ACBD6: variants seen among roughly 807,000 people sequenced by gnomAD.
ACBD6 encodes acyl-CoA binding domain containing 6.
Under a neutral mutation model 37.2 loss-of-function variants are expected in ACBD6, and 28 were observed. The observed-to-expected ratio is 0.75, with a 90% CI of 0.56 to 1.03. The LOEUF (loss-of-function observed/expected upper bound fraction) is 1.03. Among genes scored for constraint, ACBD6 ranks in the 50% least tolerant of loss-of-function variants. The pLI is 0.00. For synonymous variants in ACBD6, 113 were observed against 126.8 expected (o/e 0.89, Z 0.73); for missense variants, 340 against 337.4 (o/e 1.01, Z -0.06).
chr1:180,435,260 T>C (rs1425625412), intron 3 of ACBD6: 2 of 621,000 alleles, frequency 3.2e-6, no homozygotes, highest in Non-Finnish European at 6.1e-6. Flanking sequence ...AGATGCATTT[T>C]TTTTTTGAGA....
chr1:180,307,406 C>T (rs1650425339), intron 7 of ACBD6, among the ~76,000 whole-genome samples: 1 of 149,942 alleles, frequency 6.7e-6, no homozygotes, highest in Admixed American at 6.6e-5. Context: ...TTAATGGGTA[C>T]AAAAAAATTG....
At chr1:180,453,754 T>A (rs917053200) in intron 3 of ACBD6, among the ~76,000 whole-genome samples, 1 of 151,980 alleles carries the variant, frequency 6.6e-6, no homozygotes, top group South Asian at 2.1e-4. Flanking sequence ...AAACCAATAA[T>A]AGACAAACAG....
chr1:180,452,770 A>C (rs890426783), intron 3 of ACBD6, among the ~76,000 whole-genome samples: 2 of 152,224 alleles, frequency 1.3e-5, no homozygotes, highest in African/African-American at 4.8e-5. Context: ...CTACTATCAG[A>C]GAATACTATA....
chr1:180,336,940 C>T (rs1318458073), intron 6 of ACBD6, among the ~76,000 whole-genome samples: 2 of 152,168 alleles, frequency 1.3e-5, no homozygotes, highest in Non-Finnish European at 2.9e-5. Flanking sequence ...CATACACCCT[C>T]CCAAGACTAA....
chr1:180,316,892 ACAAT>A (rs1400780927), intron 6 of ACBD6, among the ~76,000 whole-genome samples: 2 of 152,196 alleles, frequency 1.3e-5, no homozygotes, highest in African/African-American at 2.4e-5. Context: ...ACGCTGGAAA[ACAAT>A]CAAAACAGAG....
In ACBD6 at chr1:180,502,572, G is replaced by T. The variant is rs1001270735; in HGVS notation, c.-306C>A. ...CCCTCCAACGGAACAGGAGTCGAGGGGCAGTGAGGCCGGGATGCGTGCGAG... is the reference window on the plus strand; with the variant it reads ...CCCTCCAACGGAACAGGAGTCGAGGTGCAGTGAGGCCGGGATGCGTGCGAG... On this transcript the variant is annotated 5_prime_UTR_variant, in exon 1 of 8. Transcript: ENST00000367595. 5 of 420,322 alleles carry T rather than the reference G, an allele frequency of 1.2e-5. No homozygotes were observed. The highest frequency in any genetic ancestry group is 6.1e-5 in the African/African-American group (3 of 49,212). 26.0% of individuals were successfully genotyped at this position (420,322 alleles called of 1,614,324 possible).
chr1:180,298,658 A>G (rs764076112), intron 7 of ACBD6, among the ~76,000 whole-genome samples: 2 of 152,230 alleles, frequency 1.3e-5, no homozygotes, highest in Admixed American at 6.5e-5. Context: ...CTAACTTGAC[A>G]GATGTGAATG....
rs1298086162 is a variant in ACBD6, at chr1:180,400,224, C to T, written c.574-2619G>A. 2.0e-5 allele frequency among the ~76,000 whole-genome samples: 3 copies of T among 152,136 alleles called. No homozygotes were observed. In the East Asian group the frequency reaches 5.8e-4, roughly 29 times the overall value. On this transcript the variant is annotated intron_variant, in intron 5 of 7. Coordinates refer to ENST00000367595, the MANE Select transcript of ACBD6 (RefSeq NM_032360.4). ...CAAAAATTTACTTTAGGGGAAACAC[C>T]TATGACTGGACCTCCATAGTGATTT...
chr1:180,356,918 C>A (rs1652653483), intron 6 of ACBD6, among the ~76,000 whole-genome samples: 2 of 151,424 alleles, frequency 1.3e-5, no homozygotes, highest in Admixed American at 6.6e-5. Context: ...AATCTAATTC[C>A]TTATGGTTAC....
intron 7 of ACBD6, among the ~76,000 whole-genome samples, chr1:180,313,376 T>G (rs1650668721): frequency 6.6e-6 from 1 of 152,176 alleles, no homozygotes; most frequent in Non-Finnish European, 1.5e-5. Flanking sequence ...GTCCAATAGG[T>G]TAAGACTCCT....
chr1:180,325,670 T>C (rs1651232030), intron 6 of ACBD6, among the ~76,000 whole-genome samples: 1 of 152,214 alleles, frequency 6.6e-6, no homozygotes, highest in South Asian at 2.1e-4. Flanking sequence ...TTTATTGTAG[T>C]CTTCGCAATT....
chr1:180,318,642 T>C (rs1650929494), intron 6 of ACBD6, among the ~76,000 whole-genome samples: 1 of 152,142 alleles, frequency 6.6e-6, no homozygotes, highest in Non-Finnish European at 1.5e-5. Flanking sequence ...GAAGTGCAAA[T>C]TTAAAAAGAG....
Position 180,351,581 on chromosome 1 carries a change from CGTT to C in ACBD6, c.664-36862_664-36860del, listed in dbSNP as rs1412923489. 1.1e-3 allele frequency among the ~76,000 whole-genome samples: 102 copies of C among 92,644 alleles called. 1 individual carries two copies. Among genetic ancestry groups the C allele is most frequent in the African/African-American group, 4.1e-3 (98 of 23,616 alleles). 60.8% of individuals were successfully genotyped at this position (92,644 alleles called of 152,430 possible). Reference sequence around the variant, plus strand: ...AGTCACTGTGCCTGGCCCGATATTACGTTTTTTTTTTTTTTTTTTTTGATAGGG... The same window carrying C: ...AGTCACTGTGCCTGGCCCGATATTACTTTTTTTTTTTTTTTTTTGATAGGG... On this transcript the variant is annotated intron_variant, in intron 6 of 7. Coordinates refer to ENST00000367595, the MANE Select transcript of ACBD6 (RefSeq NM_032360.4).
chr1:180,315,459 T>G (rs1195495495), intron 6 of ACBD6, among the ~76,000 whole-genome samples: 1 of 152,180 alleles, frequency 6.6e-6, no homozygotes, highest in Non-Finnish European at 1.5e-5. Flanking sequence ...AAAGCACAAT[T>G]TAGTAATTAA....
In ACBD6 at chr1:180,476,561, C is replaced by T. The variant is rs185650302; in HGVS notation, c.384+15708G>A. Among the ~76,000 whole-genome samples, 3 of 152,326 alleles carry T rather than the reference C, an allele frequency of 2.0e-5. No individual in the cohort carries two copies. The East Asian group carries it at 5.8e-4, about 29-fold the overall frequency. On this transcript the variant is annotated intron_variant, in intron 3 of 7. Transcript: ENST00000367595. ...GAAAACTCAGCCGGGCACAGTGGCT[C>T]ACGCCTATAATCCCAGCACTTTGGA...
At chr1:180,406,055 T>C (rs949934867) in intron 5 of ACBD6, among the ~76,000 whole-genome samples, 4 of 152,154 alleles carry the variant, frequency 2.6e-5, no homozygotes, top group Non-Finnish European at 5.9e-5. Flanking sequence ...TGTTACAAAC[T>C]TGGACCCTAA....
chr1:180,412,725 G>A (rs1483225553), intron 5 of ACBD6, among the ~76,000 whole-genome samples: 1 of 152,050 alleles, frequency 6.6e-6, no homozygotes, highest in Non-Finnish European at 1.5e-5. Context: ...AATTAGCCAG[G>A]AGTGACAGCA....
chr1:180,339,487 T>C (rs1002078667), intron 6 of ACBD6, among the ~76,000 whole-genome samples: 38 of 151,708 alleles, frequency 2.5e-4, no homozygotes, highest in African/African-American at 9.0e-4. Flanking sequence ...ACAATGAGAA[T>C]ATTTGGACAC....
At chr1:180,274,708 C>A in exon 10 of ACBD6, 1 of 1,125,038 alleles carries the variant, frequency 8.9e-7, no homozygotes, top group Non-Finnish European at 1.2e-6. Flanking sequence ...TGGAAGTCCT[C>A]CGCTGATTCC....
Sources: gnomAD v4.1 joint callset for allele counts (sites outside exome capture counted in the v4.1 genomes callset) on GRCh38, gnomAD v4.1.1 for gene constraint, MANE v1.5 for transcripts, NCBI Gene and HGNC (gene_info 2026-07-23, HGNC 2026-07-21) for gene names.